The following PPM1L variants were observed in gnomAD, a reference collection of about 807,000 sequenced individuals.
PPM1L encodes the protein protein phosphatase, Mg2+/Mn2+ dependent 1L.
Under a neutral mutation model 31.4 loss-of-function variants are expected in PPM1L, and 13 were observed. The observed-to-expected ratio is 0.41, with a 90% confidence interval of 0.27 to 0.66. PPM1L has a LOEUF of 0.66. Ranked by LOEUF, PPM1L falls within the 30% of genes least tolerant of loss-of-function variation. The pLI is 0.29. For synonymous variants in PPM1L, 184 were observed against 175.4 expected, an observed-to-expected ratio of 1.05 and a Z score of -0.39; for missense variants, 326 against 453.7, an observed-to-expected ratio of 0.72 and a Z score of 2.56.
intron 1 of PPM1L, among the ~76,000 whole-genome samples, chr3:160,833,097 T>C (rs1713570942): frequency 1.3e-5 from 2 of 152,238 alleles, no homozygotes; most frequent in African/African-American, 4.8e-5. Flanking sequence ...AAGGACATTA[T>C]CTCATTCATT....
intron 1 of PPM1L, among the ~76,000 whole-genome samples, chr3:160,925,238 AGT>A (rs1714548224): frequency 6.6e-6 from 1 of 152,208 alleles, no homozygotes; most frequent in African/African-American, 2.4e-5. Flanking sequence ...CCTGTTTATA[AGT>A]GTCACATTTA....
intron 1 of PPM1L, among the ~76,000 whole-genome samples, chr3:160,846,821 C>T (rs1386229838): frequency 2.6e-5 from 4 of 151,972 alleles, no homozygotes; most frequent in Admixed American, 2.6e-4. Context: ...CAACTGTTAC[C>T]CCTATCTAAT....
At chr3:161,022,240 A>G in intron 2 of PPM1L, 1 of 618,348 alleles carries the variant, frequency 1.6e-6, no homozygotes, top group Non-Finnish European at 2.9e-6. Flanking sequence ...ACTAATTTCG[A>G]TTTTAAACAA....
chr3:160,993,534 G>T (rs1257622870), intron 2 of PPM1L, among the ~76,000 whole-genome samples: 1 of 152,088 alleles, frequency 6.6e-6, no homozygotes, highest in South Asian at 2.1e-4. Context: ...CATTGTTCTG[G>T]TGATGCTTCT....
intron 1 of PPM1L, among the ~76,000 whole-genome samples, chr3:160,904,616 G>T (rs16831599): frequency 0.045 from 6,914 of 152,078 alleles, 488 homozygotes; most frequent in African/African-American, 0.15. Context: ...ACCTTGCCTT[G>T]TTAAGGTATC....
In PPM1L at chr3:161,078,257, G is replaced by C. The variant is rs1405512502; in HGVS notation, c.*9100G>C. On this transcript the variant is annotated 3_prime_UTR_variant, in exon 4 of 4. Transcript: ENST00000498165. ...AAAAGTAGTGTTTTTTTGGGGAACA[G>C]TATAATGTCTCAGAAGTTCTTCTCT... 1 of 152,208 alleles carries C rather than the reference G, an allele frequency of 6.6e-6. No homozygotes were observed. The highest frequency in any genetic ancestry group is 2.4e-5 in the African/African-American group (1 of 41,462). The allele number at this position is 152,208 out of a possible 1,614,324, so 9.4% of individuals were successfully genotyped here. A position where few individuals can be genotyped will look rare whatever the true frequency, so the allele number is the denominator to read the frequency against.
At chr3:160,903,889 A>G (rs1713652813) in intron 1 of PPM1L, among the ~76,000 whole-genome samples, 1 of 152,116 alleles carries the variant, frequency 6.6e-6, no homozygotes, top group Non-Finnish European at 1.5e-5. Flanking sequence ...ATGCTTTTGT[A>G]TTGTATTTAT....
At chr3:161,011,317 A>G (rs1009281217) in intron 2 of PPM1L, among the ~76,000 whole-genome samples, 4 of 152,222 alleles carry the variant, frequency 2.6e-5, no homozygotes, top group South Asian at 2.1e-4. Flanking sequence ...GTCAAAGATC[A>G]GATGGTTGTA....
chr3:160,838,212 A>G (rs934750742), intron 1 of PPM1L, among the ~76,000 whole-genome samples: 5 of 152,168 alleles, frequency 3.3e-5, no homozygotes, highest in African/African-American at 1.2e-4. Context: ...AGTAGAGGGA[A>G]TGGCAAATTA....
intron 1 of PPM1L, among the ~76,000 whole-genome samples, chr3:160,955,829 T>G (rs1281928715): frequency 6.6e-6 from 1 of 151,434 alleles, no homozygotes; most frequent in Non-Finnish European, 1.5e-5. Flanking sequence ...TTTTTTTTTG[T>G]ATTTTTAATA....
intron 1 of PPM1L, among the ~76,000 whole-genome samples, chr3:160,833,173 T>C (rs1713572833): frequency 6.6e-6 from 1 of 152,256 alleles, no homozygotes; most frequent in Non-Finnish European, 1.5e-5. Flanking sequence ...CTATCATTGG[T>C]GGACATTTAC....
intron 2 of PPM1L, among the ~76,000 whole-genome samples, chr3:160,975,369 T>C (rs1222576667): frequency 6.6e-6 from 1 of 152,086 alleles, no homozygotes; most frequent in Non-Finnish European, 1.5e-5. Context: ...CTTTTTTGGT[T>C]CCATATGAAC....
intron 1 of PPM1L, among the ~76,000 whole-genome samples, chr3:160,904,817 T>C (rs1713687324): frequency 6.6e-6 from 1 of 152,034 alleles, no homozygotes; most frequent in Non-Finnish European, 1.5e-5. Flanking sequence ...TTTCACAATA[T>C]GAGAATCTAT....
intron 1 of PPM1L, among the ~76,000 whole-genome samples, chr3:160,944,870 T>TAC (rs1715318154): frequency 2.9e-5 from 1 of 34,060 alleles, no homozygotes; most frequent in African/African-American, 8.0e-5. Flanking sequence ...TATATAATGT[T>TAC]ATATATAACA....
chr3:161,031,923 G>C (rs1718577598), intron 2 of PPM1L, among the ~76,000 whole-genome samples: 1 of 152,108 alleles, frequency 6.6e-6, no homozygotes, highest in Non-Finnish European at 1.5e-5. Context: ...GTGGAAAATA[G>C]GGCAACAAGG....
At chr3:160,946,672 C>G (rs1040763311) in intron 1 of PPM1L, among the ~76,000 whole-genome samples, 6 of 152,104 alleles carry the variant, frequency 3.9e-5, no homozygotes, top group African/African-American at 1.4e-4. Flanking sequence ...CGTATCCACA[C>G]AGGAAAATAA....
At chr3:161,067,054 G>A (rs1719762208) in intron 3 of PPM1L, among the ~76,000 whole-genome samples, 1 of 152,166 alleles carries the variant, frequency 6.6e-6, no homozygotes. Flanking sequence ...CTTCCTACTT[G>A]TAAAACACCA....
Position 161,021,155 on chromosome 3 carries a change from C to A in PPM1L, c.575-44248C>A, listed in dbSNP as rs542940761. On this transcript the variant is annotated intron_variant, in intron 2 of 3. Transcript: ENST00000498165. Reference sequence around the variant, plus strand: ...GTAGCTTAGGTTTTTTATTTGAGAGCTTTCTTCTTTAATATAGGTGTTTAT... The same window carrying A: ...GTAGCTTAGGTTTTTTATTTGAGAGATTTCTTCTTTAATATAGGTGTTTAT... 8.6e-5 allele frequency among the ~76,000 whole-genome samples: 13 copies of A among 151,844 alleles called. No individual in the cohort carries two copies. The South Asian group carries it at 2.7e-3, about 32-fold the overall frequency.
chr3:160,936,178 C>A (rs1358826303), intron 1 of PPM1L, among the ~76,000 whole-genome samples: 3 of 152,146 alleles, frequency 2.0e-5, no homozygotes, highest in African/African-American at 7.2e-5. Flanking sequence ...CAACCTCCGC[C>A]TTCCAGGTTC....
Sources: allele counts gnomAD v4.1 joint callset (sites outside exome capture counted in the v4.1 genomes callset), GRCh38; gene constraint gnomAD v4.1.1; transcripts MANE v1.5; gene names NCBI Gene and HGNC (gene_info 2026-07-23, HGNC 2026-07-21).